HLCS: variants seen among roughly 807,000 people sequenced by gnomAD.
The protein encoded by HLCS is holocarboxylase synthetase.
Under a neutral mutation model 75.0 loss-of-function variants are expected in HLCS, and 53 were observed. That is an observed-to-expected ratio of 0.71 (90% CI 0.57 to 0.89). The LOEUF is 0.89. Among genes scored for constraint, HLCS ranks in the 40% least tolerant of loss-of-function variants. The pLI is 0.00. For synonymous variants in HLCS, 431 were observed against 428.6 expected (o/e 1.01, Z -0.07); for missense variants, 966 against 1,074.0 (o/e 0.90, Z 1.41).
At chr21:36,892,565 A>C (rs1261848298) in intron 6 of HLCS, among the ~76,000 whole-genome samples, 1 of 152,198 alleles carries the variant, frequency 6.6e-6, no homozygotes, top group Non-Finnish European at 1.5e-5. Flanking sequence ...AAGTGGAAGG[A>C]AATGAATGTC....
At chr21:36,873,093 A>C (rs1329193907) in intron 6 of HLCS, among the ~76,000 whole-genome samples, 1 of 151,882 alleles carries the variant, frequency 6.6e-6, no homozygotes, top group Non-Finnish European at 1.5e-5. Flanking sequence ...AAGGATTATT[A>C]CACTTATTAT....
At chr21:36,929,841 G>A (rs1037460510) in intron 5 of HLCS, among the ~76,000 whole-genome samples, 2 of 152,220 alleles carry the variant, frequency 1.3e-5, no homozygotes, top group Non-Finnish European at 2.9e-5. Flanking sequence ...ACTCACAGAC[G>A]TGAAACCCAG....
chr21:36,764,394 T>C (rs2089961428), intron 8 of HLCS, among the ~76,000 whole-genome samples: 1 of 151,062 alleles, frequency 6.6e-6, no homozygotes, highest in Admixed American at 6.6e-5. Flanking sequence ...AGACTCTGTC[T>C]CAAAAAAATA....
At chr21:36,966,731 C>G, upstream of HLCS, 4 of 522,604 alleles carry the variant, frequency 7.7e-6, no homozygotes, top group South Asian at 8.2e-5. Flanking sequence ...GCGCCGCCCC[C>G]CCGGGCCAGG....
At chr21:36,819,170 T>A (rs1416799331) in intron 6 of HLCS, among the ~76,000 whole-genome samples, 3 of 152,056 alleles carry the variant, frequency 2.0e-5, no homozygotes, top group African/African-American at 7.2e-5. Flanking sequence ...ATGAATGAAT[T>A]AAAGAGAGAA....
chr21:36,949,059 A>T (rs2067550177), intron 2 of HLCS, among the ~76,000 whole-genome samples: 1 of 152,186 alleles, frequency 6.6e-6, no homozygotes, highest in African/African-American at 2.4e-5. Flanking sequence ...CTGCATTCAC[A>T]TCCACAGTTA....
intron 6 of HLCS, among the ~76,000 whole-genome samples, chr21:36,832,063 G>A (rs2062229595): frequency 6.6e-6 from 1 of 152,186 alleles, no homozygotes; most frequent in African/African-American, 2.4e-5. Context: ...CCTGAAGGAT[G>A]TGTTCTTGCA....
chr21:36,966,422 C>CCCCGG, intron 1 of HLCS, 22 bp downstream of exon 1: 2 of 260,934 alleles, frequency 7.7e-6, no homozygotes, highest in African/African-American at 2.3e-5. Context: ...GCCCGGGTCG[C>CCCCGG]CCGCCCGCCC....
intron 5 of HLCS, among the ~76,000 whole-genome samples, chr21:36,906,060 A>AAC (rs1569173809): frequency 1.3e-5 from 2 of 151,556 alleles, no homozygotes; most frequent in East Asian, 3.9e-4. Context: ...AAAAAAAAAA[A>AAC]AAAACAAAAC....
Position 36,750,737 on chromosome 21 carries a change from T to C in HLCS, c.*3509A>G, listed in dbSNP as rs2089339821. Among the ~76,000 whole-genome samples the C allele has an allele frequency of 1.3e-5, 2 of 150,984 alleles. No individual in the cohort carries two copies. Among genetic ancestry groups the C allele is most frequent in the African/African-American group, 4.9e-5 (2 of 40,964 alleles). The stretch of plus-strand genomic sequence containing the variant: ...TTGGAATTTTAGTGAATCATGGCCC[T>C]TGTGTTATCTAGAATGCTAATTATT... On this transcript the variant is annotated 3_prime_UTR_variant, in exon 11 of 11. Transcript: ENST00000674895.
At chr21:36,856,635 T>C (rs1216919682) in intron 6 of HLCS, among the ~76,000 whole-genome samples, 5 of 151,666 alleles carry the variant, frequency 3.3e-5, no homozygotes, top group African/African-American at 1.2e-4. Flanking sequence ...AAGTATATCA[T>C]CAGGTAAGGT....
At chr21:36,966,930 G>A (rs1184626905), upstream of HLCS, among the ~76,000 whole-genome samples, 3 of 151,474 alleles carry the variant, frequency 2.0e-5, no homozygotes, top group Non-Finnish European at 4.4e-5. Flanking sequence ...GTGCACCGGG[G>A]TCAGGGGACG....
At position 36,827,344 on chromosome 21, in the gene HLCS, G is replaced by A. The variant is rs568429256; in HGVS notation, c.1893-60059C>T. Among the ~76,000 whole-genome samples, 131 of 152,014 alleles carry A rather than the reference G, an allele frequency of 8.6e-4. 2 individuals are homozygous for A. Among genetic ancestry groups the A allele is most frequent in the African/African-American group, 2.8e-3 (116 of 41,468 alleles). ...AGCACTTTGGGATGCCAAGGCGAGC[G>A]GATCACCTGAGGTCAGGAGTTCAAG... On this transcript the variant is annotated intron_variant, in intron 6 of 10. Coordinates refer to ENST00000674895, the MANE Select transcript of HLCS (RefSeq NM_001352514.2).
chr21:36,982,163 C>T (rs1227896038), intron 1 of HLCS, among the ~76,000 whole-genome samples: 3 of 151,998 alleles, frequency 2.0e-5, no homozygotes, highest in African/African-American at 7.2e-5. Context: ...TTCACACATA[C>T]AATTTCGCAA....
At chr21:36,895,009 C>T (rs1235093999) in intron 6 of HLCS, among the ~76,000 whole-genome samples, 1 of 152,130 alleles carries the variant, frequency 6.6e-6, no homozygotes, top group Non-Finnish European at 1.5e-5. Flanking sequence ...AGCCTGTCCG[C>T]ACTCTCAGGG....
At chr21:36,948,024 G>T in intron 2 of HLCS, 2 of 979,964 alleles carry the variant, frequency 2.0e-6, no homozygotes, top group Non-Finnish European at 2.4e-6. Context: ...AGGCGCGGTG[G>T]CTCACACCTG....
intron 6 of HLCS, among the ~76,000 whole-genome samples, chr21:36,823,883 G>A (rs1417685923): frequency 2.6e-5 from 4 of 152,078 alleles, no homozygotes; most frequent in Non-Finnish European, 4.4e-5. Context: ...TAGGTTCTCT[G>A]AGCATCTAAC....
chr21:36,870,853 G>A (rs142546716), intron 6 of HLCS, among the ~76,000 whole-genome samples: 1 of 152,270 alleles, frequency 6.6e-6, no homozygotes, highest in Non-Finnish European at 1.5e-5. Context: ...GAAGGGTTTG[G>A]AAAATGGCAT....
chr21:36,930,511 T>A, intron 4 of HLCS, 78 bp from the exon 5 acceptor site: 1 of 632,518 alleles, frequency 1.6e-6, no homozygotes, highest in Non-Finnish European at 2.4e-6. Context: ...TTTCTTTTTC[T>A]TTTTTTTTTT....
Sources: allele counts gnomAD v4.1 joint callset (sites outside exome capture counted in the v4.1 genomes callset), GRCh38; gene constraint gnomAD v4.1.1; transcripts MANE v1.5; gene names NCBI Gene and HGNC (gene_info 2026-07-23, HGNC 2026-07-21).